The following ZNF208 variants were observed in gnomAD, a reference collection of about 807,000 sequenced individuals.
ZNF208 encodes zinc finger protein 208.
In ZNF208, 10 loss-of-function variants were observed where a neutral mutation model predicts 12.1. The ratio of observed to expected loss-of-function variants is 0.83; its 90% CI spans 0.51 to 1.40. The LOEUF is 1.40. Ranked by LOEUF, ZNF208 falls within the 40% of genes most tolerant of loss-of-function variation. The probability of loss-of-function intolerance (pLI) is 0.00; values close to 1 mark genes in which losing one functional copy is unlikely to be tolerated. For synonymous variants in ZNF208, 497 were observed against 488.4 expected (o/e 1.02, Z -0.23); for missense variants, 1,652 against 1,485.0 (o/e 1.11, Z -1.85).
At chr19:21,981,214 C>G (rs1470952085) in intron 3 of ZNF208, among the ~76,000 whole-genome samples, 3 of 151,998 alleles carry the variant, frequency 2.0e-5, no homozygotes, top group Non-Finnish European at 4.4e-5. Context: ...TTTTATGAGG[C>G]CAGCATCATC....
At chr19:21,945,618 T>G (rs1969804588) in intron 4 of ZNF208, among the ~76,000 whole-genome samples, 2 of 152,216 alleles carry the variant, frequency 1.3e-5, no homozygotes, top group African/African-American at 2.4e-5. Context: ...TTAAAAAAAT[T>G]TGATGGTCAA....
At chr19:21,961,242 G>C (rs1030627868), downstream of ZNF208, among the ~76,000 whole-genome samples, 1 of 152,146 alleles carries the variant, frequency 6.6e-6, no homozygotes, top group Admixed American at 6.5e-5. Context: ...CATGTCGGTA[G>C]GACTGTGATG....
chr19:21,947,473 T>C (rs561743560), intron 4 of ZNF208, among the ~76,000 whole-genome samples: 6 of 152,304 alleles, frequency 3.9e-5, no homozygotes, highest in African/African-American at 1.4e-4. Context: ...GCACCCCTAG[T>C]GGAATGGGAT....
intron 1 of ZNF208, among the ~76,000 whole-genome samples, chr19:21,997,383 G>A (rs151168581): frequency 4.4e-4 from 67 of 152,230 alleles, no homozygotes; most frequent in African/African-American, 1.5e-3. Context: ...CTTGAACCCC[G>A]GTGCCTACTG....
At chr19:21,975,885 T>C (rs1259826705) in intron 3 of ZNF208, among the ~76,000 whole-genome samples, 1 of 127,436 alleles carries the variant, frequency 7.8e-6, no homozygotes, top group East Asian at 2.4e-4. Context: ...TCAGCAACTC[T>C]GTCCTGCCTA....
chr19:21,960,981 G>C (rs570906491), intron 4 of ZNF208, among the ~76,000 whole-genome samples: 1 of 152,146 alleles, frequency 6.6e-6, no homozygotes, highest in African/African-American at 2.4e-5. Context: ...AGTGATTCCT[G>C]AATCCTTGAC....
intron 1 of ZNF208, among the ~76,000 whole-genome samples, chr19:21,993,289 T>C (rs866753717): frequency 3.9e-5 from 6 of 152,174 alleles, no homozygotes; most frequent in African/African-American, 1.2e-4. Flanking sequence ...CAAACAGAAT[T>C]AGGTTCTTGG....
At position 21,973,869 on chromosome 19, in the gene ZNF208, T is replaced by C. The variant is rs532329433; in HGVS notation, c.1165A>G (p.Lys389Glu). The C allele has an allele frequency of 3.7e-6, 6 of 1,613,048 alleles. No homozygotes were observed. The highest frequency in any genetic ancestry group is 5.1e-6 in the Non-Finnish European group (6 of 1,179,774). Residue 389 changes from lysine to glutamate, a missense_variant, in exon 4 of 4, where the codon AAA becomes GAA. This residue lies in a region of ZNF208 where 1,239 missense variants were observed against 1,086.2 expected (regional missense o/e 1.14). Coordinates refer to ENST00000397126, the MANE Select transcript of ZNF208 (RefSeq NM_007153.3). ...KWPSTLSYHK[K>E]IHTGEKPYKC... ...TAGGGTTTCTCTCCAGTATGAATTT[T>C]CTTATGATAACTAAGGGTTGAGGGC...
Position 21,973,430 on chromosome 19 carries a change from C to T in ZNF208, c.1604G>A (p.Ser535Asn), listed in dbSNP as rs748686884. The T allele has an allele frequency of 3.1e-6, 5 of 1,611,046 alleles. No homozygotes were observed. Among genetic ancestry groups the T allele is most frequent in the Admixed American group, 3.3e-5 (2 of 59,730 alleles). The change falls in exon 4 of 4, where the codon AGT becomes AAT. Residue 535 changes from serine (S) to asparagine (N), a missense_variant. Ser to Asn is a conservative substitution (Grantham distance 46, BLOSUM62 1). Around this residue, in one of 3 missense-constraint regions of ZNF208, gnomAD observed 1,239 missense variants for 1,086.2 expected, o/e 1.14. Coordinates refer to ENST00000397126, the MANE Select transcript of ZNF208 (RefSeq NM_007153.3). ...ATGTTTAGTAAGGATTGAGAATGTA[C>T]TGAAGCTTTTGCCACATTCTTCACA... Reference protein sequence around the residue: ...YKCEECGKSFSTFSILTKHKV... With the variant: ...YKCEECGKSFNTFSILTKHKV...
chr19:21,996,691 G>A (rs982841051), intron 1 of ZNF208, among the ~76,000 whole-genome samples: 8 of 152,152 alleles, frequency 5.3e-5, no homozygotes, highest in Admixed American at 1.3e-4. Context: ...AGGAGGGAGG[G>A]AGAAGTGGAT....
At chr19:22,010,740 G>A (rs2145592878) in intron 1 of ZNF208, 52 bp downstream of exon 1, 1 of 1,614,112 alleles carries the variant, frequency 6.2e-7, no homozygotes, top group Non-Finnish European at 8.5e-7. Flanking sequence ...CTTCCCACCG[G>A]TTCCAAGCAG....
intron 4 of ZNF208, among the ~76,000 whole-genome samples, chr19:21,945,038 A>C (rs530521703): frequency 6.6e-6 from 1 of 152,208 alleles, no homozygotes; most frequent in Non-Finnish European, 1.5e-5. Context: ...TTTACTCATT[A>C]TAATAGTAAA....
intron 4 of ZNF208, among the ~76,000 whole-genome samples, chr19:21,955,964 G>A (rs1969968887): frequency 6.6e-6 from 1 of 152,114 alleles, no homozygotes; most frequent in African/African-American, 2.4e-5. Flanking sequence ...CCATCTTTGG[G>A]GTTTTATCTA....
chr19:21,940,968 C>A (rs2145507234), intron 4 of ZNF208: 1 of 175,492 alleles, frequency 5.7e-6, no homozygotes, highest in Admixed American at 6.3e-5. Context: ...GGCTGGGCGA[C>A]CGTGGGCGTG....
chr19:21,948,847 G>A (rs1404283633), intron 4 of ZNF208, among the ~76,000 whole-genome samples: 1 of 152,072 alleles, frequency 6.6e-6, no homozygotes, highest in Non-Finnish European at 1.5e-5. Flanking sequence ...AAGAAACTCA[G>A]TTGAAAGGGA....
intron 3 of ZNF208, among the ~76,000 whole-genome samples, chr19:21,985,736 T>C (rs1970620267): frequency 6.6e-6 from 1 of 152,182 alleles, no homozygotes; most frequent in African/African-American, 2.4e-5. Flanking sequence ...GTGGTTCCAA[T>C]ACCAGTTTCA....
At chr19:21,965,672 T>G (rs900440419), downstream of ZNF208, 31 of 152,074 alleles carry the variant, frequency 2.0e-4, no homozygotes, top group Non-Finnish European at 3.4e-4. Flanking sequence ...CCCCACTTTC[T>G]GTTGAATTAT....
At chr19:21,993,991 C>T (rs1266814682) in intron 1 of ZNF208, among the ~76,000 whole-genome samples, 1 of 152,192 alleles carries the variant, frequency 6.6e-6, no homozygotes, top group Non-Finnish European at 1.5e-5. Flanking sequence ...TAATAACACC[C>T]TTTCAGTTGA....
chr19:21,942,253 A>G lies in ZNF208; in HGVS notation c.306-9016T>C, dbSNP rs191456720. On this transcript the variant is annotated intron_variant, in intron 4 of 4. Coordinates refer to the ZNF208 transcript ENST00000599916. ...TATTCACAAATATTTTATAAATCAT[A>G]TCTATTAGTACTAGGTTTTACTTAA... Among the ~76,000 whole-genome samples the G allele has an allele frequency of 1.8e-3, 269 of 152,304 alleles. 1 individual carries two copies. The highest frequency in any genetic ancestry group is 6.1e-3 in the African/African-American group (255 of 41,572).
Sources: allele counts gnomAD v4.1 joint callset (sites outside exome capture counted in the v4.1 genomes callset), GRCh38; gene constraint gnomAD v4.1.1; regional missense constraint gnomAD v4.1.1; transcripts MANE v1.5; gene names NCBI Gene and HGNC (gene_info 2026-07-23, HGNC 2026-07-21).